Variants in RGL1 observed in about 807,000 individuals in gnomAD.
RGL1 encodes the protein ral guanine nucleotide dissociation stimulator-like 1.
In RGL1, 24 loss-of-function variants were observed where a neutral mutation model predicts 95.2. The observed-to-expected ratio is 0.25, with a 90% CI of 0.18 to 0.35. RGL1 has a LOEUF of 0.35. RGL1 is among the 10% of genes least tolerant of loss of function. The pLI, the probability that RGL1 is intolerant of heterozygous loss-of-function variation, is 1.00. For synonymous variants in RGL1, 329 were observed against 344.9 expected (o/e 0.95, Z 0.51); for missense variants, 715 against 936.3 (o/e 0.76, Z 3.08).
intron 2 of RGL1, among the ~76,000 whole-genome samples, chr1:183,833,093 T>C (rs780416986): frequency 1.5e-4 from 23 of 152,214 alleles, no homozygotes; most frequent in Non-Finnish European, 2.8e-4. Context: ...TGAAAGCCTC[T>C]CAGGTTATTG....
intron 1 of RGL1, among the ~76,000 whole-genome samples, chr1:183,665,077 T>A (rs1651938594): frequency 6.6e-6 from 1 of 152,188 alleles, no homozygotes; most frequent in Non-Finnish European, 1.5e-5. Flanking sequence ...AGAGTTTTTG[T>A]ATTTAAAATC....
chr1:183,902,268 G>GAACT (rs1668072044), intron 11 of RGL1, among the ~76,000 whole-genome samples: 1 of 152,122 alleles, frequency 6.6e-6, no homozygotes, highest in Non-Finnish European at 1.5e-5. Context: ...ATTTACTCAA[G>GAACT]CTTTTATCTT....
chr1:183,818,641 C>T (rs748820847), intron 2 of RGL1, among the ~76,000 whole-genome samples: 2 of 152,222 alleles, frequency 1.3e-5, no homozygotes, highest in Non-Finnish European at 2.9e-5. Context: ...CATGAAAGGG[C>T]GGGGGCCATA....
intron 11 of RGL1, 131 bp from the exon 12 acceptor site, chr1:183,902,437 C>T (rs779230130): frequency 3.3e-5 from 20 of 613,244 alleles, no homozygotes; most frequent in Non-Finnish European, 5.0e-5. Flanking sequence ...CCACAGTAGT[C>T]GTAATTATAG....
chr1:183,792,825 T>C (rs183316181), intron 2 of RGL1, among the ~76,000 whole-genome samples: 1 of 152,196 alleles, frequency 6.6e-6, no homozygotes, highest in East Asian at 1.9e-4. Context: ...GGAAAGACAT[T>C]CCATGCTCAT....
chr1:183,640,353 C>G (rs1558127490), intron 1 of RGL1, among the ~76,000 whole-genome samples: 1 of 152,098 alleles, frequency 6.6e-6, no homozygotes, highest in Admixed American at 6.5e-5. Flanking sequence ...CCAAAAATGT[C>G]TTTTATCTCG....
chr1:183,753,081 C>T (rs937529240), intron 2 of RGL1, among the ~76,000 whole-genome samples: 1 of 152,054 alleles, frequency 6.6e-6, no homozygotes, highest in Non-Finnish European at 1.5e-5. Flanking sequence ...TTACCTCATT[C>T]TCCTTTTGTA....
chr1:183,677,895 C>T (rs950506397), intron 1 of RGL1, among the ~76,000 whole-genome samples: 1 of 152,178 alleles, frequency 6.6e-6, no homozygotes, highest in African/African-American at 2.4e-5. Context: ...GAGAACAGGG[C>T]ACCCTCAGAA....
At position 183,921,893 on chromosome 1, in the gene RGL1, T is replaced by A. The variant is rs188481864; in HGVS notation, c.2005-329T>A. On this transcript the variant is annotated intron_variant, in intron 16 of 17. Coordinates refer to ENST00000360851, the MANE Select transcript of RGL1 (RefSeq NM_001297671.3). ...TTTTGGGCCAGGACTAATAATGCTTTGCATTTTTCACAATTCCCTCATATA... is the reference window on the plus strand; with the variant it reads ...TTTTGGGCCAGGACTAATAATGCTTAGCATTTTTCACAATTCCCTCATATA... Among the ~76,000 whole-genome samples the A allele has an allele frequency of 2.6e-3, 400 of 152,358 alleles. 4 individuals are homozygous for A. Among genetic ancestry groups the A allele is most frequent in the African/African-American group, 9.1e-3 (380 of 41,578 alleles).
chr1:183,847,741 C>T lies in RGL1; in HGVS notation c.314C>T (p.Ser105Phe), dbSNP rs1292343897. The T allele has an allele frequency of 1.2e-6, 2 of 1,613,912 alleles. No individual in the cohort carries two copies. Among genetic ancestry groups the T allele is most frequent in the South Asian group, 1.1e-5 (1 of 91,080 alleles). ...CTTTCAACGTACAGAGGCTTTGCCT[C>T]CACTAAAGAAGTGCTGGAACTACTG... is the stretch of plus-strand genomic sequence containing the variant. Reference protein sequence around the residue: ...IFLSTYRGFASTKEVLELLLD... With the variant: ...IFLSTYRGFAFTKEVLELLLD... The change falls in exon 3 of 18, where the codon TCC (serine) becomes TTC (phenylalanine). Residue 105 changes from serine to phenylalanine, a missense_variant. Ser to Phe is a radical substitution (Grantham distance 155). Transcript: ENST00000360851.
chr1:183,710,182 G>A, intron 1 of RGL1: 1 of 232,946 alleles, frequency 4.3e-6, no homozygotes, highest in Non-Finnish European at 8.9e-6. Flanking sequence ...TCAGCAGGTG[G>A]TCCACTCGGT....
At chr1:183,818,960 G>A (rs967262733) in intron 2 of RGL1, among the ~76,000 whole-genome samples, 21 of 152,132 alleles carry the variant, frequency 1.4e-4, no homozygotes, top group African/African-American at 4.6e-4. Flanking sequence ...ATGAAAAGTG[G>A]CCTAGGTATG....
rs532250685 is a variant in RGL1, at chr1:183,745,128, A to C, written c.132+2839A>C. Among the ~76,000 whole-genome samples the C allele has an allele frequency of 1.3e-3, 192 of 152,296 alleles. 1 individual carries two copies. The highest frequency in any genetic ancestry group is 4.5e-3 in the African/African-American group (186 of 41,570). ...ACAAATTTCCCTGAATTCTTGTGGC[A>C]TTGAGCATCTGTTCACATGGATATT... On this transcript the variant is annotated intron_variant, in intron 2 of 18. Transcript: ENST00000304685.
At chr1:183,790,251 T>G (rs1002916431) in intron 2 of RGL1, among the ~76,000 whole-genome samples, 1 of 152,010 alleles carries the variant, frequency 6.6e-6, no homozygotes, top group African/African-American at 2.4e-5. Context: ...ATCTTGATGC[T>G]CCAATATCCT....
intron 14 of RGL1, among the ~76,000 whole-genome samples, chr1:183,907,902 T>C (rs558947424): frequency 6.6e-6 from 1 of 151,896 alleles, no homozygotes; most frequent in East Asian, 1.9e-4. Flanking sequence ...GAGGCTGAGG[T>C]GGGAGGGTTG....
At chr1:183,678,065 A>G (rs2102069070) in intron 1 of RGL1, among the ~76,000 whole-genome samples, 1 of 152,056 alleles carries the variant, frequency 6.6e-6, no homozygotes, top group East Asian at 1.9e-4. Context: ...TGAAACTATT[A>G]AAGCAGATGT....
chr1:183,814,468 C>T (rs1661949353), intron 2 of RGL1, among the ~76,000 whole-genome samples: 2 of 152,138 alleles, frequency 1.3e-5, no homozygotes, highest in South Asian at 4.1e-4. Context: ...CATTTTCTAG[C>T]ATGTAATTGC....
rs147855488 is a variant in RGL1, at chr1:183,770,349, A to G, written c.132+28060A>G. ...AGAGAGACAGAGAGAGAGAGACTGA[A>G]ACCCATCTCTGGCCAAAAAAGGGGT... is the stretch of plus-strand genomic sequence containing the variant. On this transcript the variant is annotated intron_variant, in intron 2 of 18. Transcript: ENST00000304685. Among the ~76,000 whole-genome samples, 1,271 of 152,230 alleles carry G rather than the reference A, an allele frequency of 8.3e-3. 11 individuals carry two copies. Among genetic ancestry groups the G allele is most frequent in the Non-Finnish European group, 0.012 (831 of 68,008 alleles).
chr1:183,837,727 C>A (rs912159160), intron 2 of RGL1, among the ~76,000 whole-genome samples: 2 of 152,186 alleles, frequency 1.3e-5, no homozygotes, highest in Non-Finnish European at 2.9e-5. Context: ...CAGTCCCCAA[C>A]CTTTTGGCAC....
Sources: gnomAD v4.1 joint callset for allele counts (sites outside exome capture counted in the v4.1 genomes callset) on GRCh38, gnomAD v4.1.1 for gene constraint, MANE v1.5 for transcripts, NCBI Gene and HGNC (gene_info 2026-07-23, HGNC 2026-07-21) for gene names.